CIMIP2A: variants seen among roughly 807,000 people sequenced by gnomAD.
The protein encoded by CIMIP2A is family with sequence similarity 166 member A.
the CIMIP2A span, chr9:137,251,185 CCAGA>C: frequency 1.1e-6 from 1 of 899,442 alleles, no homozygotes; most frequent in South Asian, 1.3e-5. Context: ...CCCTCCAGGG[CCAGA>C]CAATGTGTCT....
the CIMIP2A span, chr9:137,245,447 C>A: frequency 6.2e-7 from 1 of 1,613,950 alleles, no homozygotes; most frequent in Non-Finnish European, 8.5e-7. Flanking sequence ...GTGAAGCCTG[C>A]AGGCAGCAGA....
At chr9:137,243,714 T>C in the CIMIP2A span, 6 of 1,614,176 alleles carry the variant, frequency 3.7e-6, no homozygotes, top group Non-Finnish European at 5.1e-6. Context: ...AGTGTGTGGT[T>C]TCGCTTTGCC....
At chr9:137,252,507 C>T in the CIMIP2A span, 4 of 1,600,506 alleles carry the variant, frequency 2.5e-6, no homozygotes, top group African/African-American at 5.4e-5. Flanking sequence ...AGAAAGCTGA[C>T]TTCGACCAAG....
the CIMIP2A span, chr9:137,252,763 C>T: frequency 2.6e-4 from 402 of 1,561,386 alleles, no homozygotes; most frequent in African/African-American, 5.1e-3. Flanking sequence ...AAGGCCACAC[C>T]CACCTAGGGC....
chr9:137,245,373 G>A, the CIMIP2A span: 1 of 1,612,304 alleles, frequency 6.2e-7, no homozygotes, highest in Non-Finnish European at 8.5e-7. Flanking sequence ...CGTATACTGG[G>A]TGTCCCAAGT....
chr9:137,248,542 CAAAA>C, the CIMIP2A span, among the ~76,000 whole-genome samples: 9 of 109,492 alleles, frequency 8.2e-5, no homozygotes, highest in Admixed American at 2.9e-4. Context: ...GACTCTGTCT[CAAAA>C]AAAAAAAAAA....
chr9:137,243,820 C>CTT, the CIMIP2A span: 42 of 1,609,924 alleles, frequency 2.6e-5, no homozygotes, highest in East Asian at 8.9e-4. Context: ...CTGAGCTGGG[C>CTT]TTATGTGCCC....
the CIMIP2A span, chr9:137,243,688 A>AT: frequency 6.2e-7 from 1 of 1,614,128 alleles, no homozygotes; most frequent in East Asian, 2.2e-5. Context: ...AGACACCACC[A>AT]TTAAAGCATT....
the CIMIP2A span, among the ~76,000 whole-genome samples, chr9:137,249,958 GGTGT>G: frequency 6.6e-6 from 1 of 152,224 alleles, no homozygotes; most frequent in African/African-American, 2.4e-5. Flanking sequence ...GCTTGCGACT[GGTGT>G]GTGTCTGGAG....
At chr9:137,244,566 C>T in the CIMIP2A span, 32 of 1,578,694 alleles carry the variant, frequency 2.0e-5, no homozygotes, top group African/African-American at 2.1e-4. Context: ...TTCAAGGCAC[C>T]CTCCAGGGAA....
At chr9:137,245,232 G>A in the CIMIP2A span, 7 of 1,576,658 alleles carry the variant, frequency 4.4e-6, no homozygotes, top group Admixed American at 3.8e-5. Flanking sequence ...GAGCGGGGAG[G>A]AAGCGGAGGT....
chr9:137,245,412 G>A, the CIMIP2A span: 2 of 1,613,748 alleles, frequency 1.2e-6, no homozygotes, highest in East Asian at 2.2e-5. Context: ...TGCCTGGTGG[G>A]CACGGAGGGT....
chr9:137,244,467 ACT>A, the CIMIP2A span: 3 of 1,499,708 alleles, frequency 2.0e-6, no homozygotes, highest in Non-Finnish European at 2.7e-6. Flanking sequence ...TCCAAGCAAG[ACT>A]CAGGAGAGAG....
At chr9:137,249,443 A>C in the CIMIP2A span, among the ~76,000 whole-genome samples, 1 of 152,200 alleles carries the variant, frequency 6.6e-6, no homozygotes, top group African/African-American at 2.4e-5. Flanking sequence ...CCTGGCTGGT[A>C]ATTCCCATAT....
chr9:137,250,439 A>C, the CIMIP2A span: 4 of 152,324 alleles, frequency 2.6e-5, no homozygotes, highest in Non-Finnish European at 1.5e-5. Flanking sequence ...GCACGTGTCC[A>C]TCTGTCTGCC....
At chr9:137,249,473 GC>G in the CIMIP2A span, among the ~76,000 whole-genome samples, 1 of 152,190 alleles carries the variant, frequency 6.6e-6, no homozygotes, top group Admixed American at 6.5e-5. Flanking sequence ...CCTTGGTAGG[GC>G]CTTTTGTTAG....
At chr9:137,249,046 C>T in the CIMIP2A span, among the ~76,000 whole-genome samples, 2 of 150,110 alleles carry the variant, frequency 1.3e-5, no homozygotes, top group Middle Eastern at 3.2e-3. Flanking sequence ...TTAGTAGAGA[C>T]AGGGTTTCAC....
the CIMIP2A span, among the ~76,000 whole-genome samples, chr9:137,249,150 C>G: frequency 5.3e-5 from 8 of 152,058 alleles, no homozygotes; most frequent in African/African-American, 1.7e-4. Context: ...GCCACTGTGC[C>G]CGGCCAATAT....
the CIMIP2A span, among the ~76,000 whole-genome samples, chr9:137,246,483 GCCGGGC>G: frequency 6.6e-6 from 1 of 152,232 alleles, no homozygotes; most frequent in Non-Finnish European, 1.5e-5. Context: ...CTGCCAAAGG[GCCGGGC>G]GCGGTGGCTC....
Sources: gnomAD v4.1 joint callset for allele counts (sites outside exome capture counted in the v4.1 genomes callset) on GRCh38, gnomAD v4.1.1 for gene constraint, MANE v1.5 for transcripts, NCBI Gene and HGNC (gene_info 2026-07-23, HGNC 2026-07-21) for gene names.